CCDC85C: variants seen among roughly 807,000 people sequenced by gnomAD.
CCDC85C encodes coiled-coil domain containing 85C.
A neutral mutation model predicts 38.3 loss-of-function variants in CCDC85C; 18 were observed. That is an observed-to-expected ratio of 0.47 (90% CI 0.33 to 0.70). CCDC85C has a LOEUF of 0.70. CCDC85C is among the 30% of genes least tolerant of loss of function. The probability of loss-of-function intolerance (pLI) is 0.03; values close to 1 mark genes in which losing one functional copy is unlikely to be tolerated. For synonymous variants in CCDC85C, 264 were observed against 293.8 expected, an observed-to-expected ratio of 0.90 and a Z score of 1.04; for missense variants, 566 against 621.2, an observed-to-expected ratio of 0.91 and a Z score of 0.94.
At chr14:99,598,603 G>A (rs1236158298) in intron 1 of CCDC85C, among the ~76,000 whole-genome samples, 1 of 152,192 alleles carries the variant, frequency 6.6e-6, no homozygotes, top group Non-Finnish European at 1.5e-5. Context: ...CCTGGGAGGA[G>A]GTGCCCTGTC....
chr14:99,585,124 A>C (rs2055013165), intron 1 of CCDC85C, among the ~76,000 whole-genome samples: 1 of 152,204 alleles, frequency 6.6e-6, no homozygotes, highest in African/African-American at 2.4e-5. Flanking sequence ...AACTGCCTCC[A>C]TACCACACCT....
rs1595354450 is a variant in CCDC85C, at chr14:99,544,294, C to T, written c.794-8206G>A. On this transcript the variant is annotated intron_variant, in intron 1 of 5. Coordinates refer to ENST00000380243, the MANE Select transcript of CCDC85C (RefSeq NM_001144995.2). This position sits in a 1 kb window ranked among gnomAD's most constrained non-coding sequence, Gnocchi z 5.3. The stretch of plus-strand genomic sequence containing the variant: ...CTAACTCGCAGCTTCCACACCAACC[C>T]CGGGGTTCTGGCGCACTGACCCTGG... Among the ~76,000 whole-genome samples, 3 of 152,124 alleles carry T rather than the reference C, an allele frequency of 2.0e-5. No individual in the cohort carries two copies. The East Asian group carries it at 5.8e-4, about 29-fold the overall frequency.
chr14:99,502,782 C>G lies in CCDC85C; in HGVS notation c.*12464G>C. 1 of 1,613,786 alleles carries G rather than the reference C, an allele frequency of 6.2e-7. No homozygotes were observed. The highest frequency in any genetic ancestry group is 8.5e-7 in the Non-Finnish European group (1 of 1,179,804). ...AAACAACAGATGCCTCATCACACCC[C>G]CCATCAGCTGCAACAGCCCCCATCT... On this transcript the variant is annotated 3_prime_UTR_variant, in exon 6 of 6. Coordinates refer to ENST00000380243, the MANE Select transcript of CCDC85C (RefSeq NM_001144995.2).
At position 99,519,099 on chromosome 14, in the gene CCDC85C, C is replaced by CTTTT. The variant is rs59524541; in HGVS notation, c.976-1920_976-1917dup. ...TATCTTTTTACATGTTCATACATGCCTTTTTTTTTTTTTTTTTTTTTTTTT... is the reference window on the plus strand; with the variant it reads ...TATCTTTTTACATGTTCATACATGCCTTTTTTTTTTTTTTTTTTTTTTTTTTTTT... On this transcript the variant is annotated intron_variant, in intron 3 of 5. Transcript: ENST00000380243. Among the ~76,000 whole-genome samples the CTTTT allele has an allele frequency of 7.7e-4, 40 of 52,222 alleles. 3 individuals carry two copies. Among genetic ancestry groups the CTTTT allele is most frequent in the South Asian group, 2.8e-3 (3 of 1,078 alleles). 34.3% of individuals were successfully genotyped at this position (52,222 alleles called of 152,430 possible).
intron 1 of CCDC85C, among the ~76,000 whole-genome samples, chr14:99,585,170 G>A (rs554286444): frequency 1.3e-5 from 2 of 152,326 alleles, no homozygotes; most frequent in Admixed American, 6.5e-5. Context: ...GACACATGCC[G>A]ATAACCAATA....
At position 99,509,788 on chromosome 14, in the gene CCDC85C, C is replaced by T; in HGVS notation, c.*5458G>A. The T allele has an allele frequency of 3.3e-6, 1 of 305,898 alleles. No individual in the cohort carries two copies. 18.9% of individuals were successfully genotyped at this position (305,898 alleles called of 1,614,324 possible). A position where few individuals can be genotyped will look rare whatever the true frequency, so the allele number is the denominator to read the frequency against. ...GACAGGAGTTCAGTGTGGCCCTGACCCCTGGGGTCAGTTTCTGAAGGCAGA... is the reference window on the plus strand; with the variant it reads ...GACAGGAGTTCAGTGTGGCCCTGACTCCTGGGGTCAGTTTCTGAAGGCAGA... On this transcript the variant is annotated 3_prime_UTR_variant, in exon 6 of 6. Coordinates refer to ENST00000380243, the MANE Select transcript of CCDC85C (RefSeq NM_001144995.2).
rs575957110 is a variant in CCDC85C at position 99,512,513 on chromosome 14, A to T, written c.*2733T>A. 5.0e-4 allele frequency: 76 copies of T among 152,246 alleles called. No homozygotes were observed. The highest frequency in any genetic ancestry group is 1.8e-3 in the African/African-American group (74 of 41,560). 9.4% of individuals were successfully genotyped at this position (152,246 alleles called of 1,614,324 possible). A position where few individuals can be genotyped will look rare whatever the true frequency, so the allele number is the denominator to read the frequency against. On this transcript the variant is annotated 3_prime_UTR_variant, in exon 6 of 6. Coordinates refer to ENST00000380243, the MANE Select transcript of CCDC85C (RefSeq NM_001144995.2). ...AAAGGTCACTTTTTTCTCTTTAAAC[A>T]CTGATGTGTAGCTAGTAACTTGGAT...
chr14:99,526,314 C>T (rs1006661479), intron 2 of CCDC85C, among the ~76,000 whole-genome samples: 3 of 152,208 alleles, frequency 2.0e-5, no homozygotes, highest in African/African-American at 7.2e-5. Context: ...GCCCAGGCCC[C>T]GTGCAGCTCC....
At chr14:99,522,398 C>A in intron 2 of CCDC85C, 158 bp from the exon 3 acceptor site, 1 of 558,752 alleles carries the variant, frequency 1.8e-6, no homozygotes, top group East Asian at 3.0e-5. Flanking sequence ...TCCCCCGAGC[C>A]GGGATCAATC....
intron 3 of CCDC85C, 27 bp from the exon 4 acceptor site, chr14:99,517,210 C>T: frequency 6.7e-7 from 1 of 1,495,564 alleles, no homozygotes; most frequent in Non-Finnish European, 9.0e-7. Context: ...CACATCTCAG[C>T]TCACCCTGGC....
Position 99,507,250 on chromosome 14 carries a change from T to C in CCDC85C, c.*7996A>G, listed in dbSNP as rs2139881045. ...AGAAAAGGGAGACTGGGGCCCAGATTGACAATGTCAGCCACAGGCAGGAAT... is the reference window on the plus strand; with the variant it reads ...AGAAAAGGGAGACTGGGGCCCAGATCGACAATGTCAGCCACAGGCAGGAAT... On this transcript the variant is annotated 3_prime_UTR_variant, in exon 6 of 6. Coordinates refer to ENST00000380243, the MANE Select transcript of CCDC85C (RefSeq NM_001144995.2). The C allele has an allele frequency of 1.3e-6, 1 of 783,546 alleles. No individual in the cohort carries two copies. The highest frequency in any genetic ancestry group is 2.4e-5 in the East Asian group (1 of 40,934). 48.5% of individuals were successfully genotyped at this position (783,546 alleles called of 1,614,324 possible). A position where few individuals can be genotyped will look rare whatever the true frequency, so the allele number is the denominator to read the frequency against.
intron 1 of CCDC85C, among the ~76,000 whole-genome samples, chr14:99,582,721 G>A (rs2054986625): frequency 6.6e-6 from 1 of 152,166 alleles, no homozygotes; most frequent in Non-Finnish European, 1.5e-5. Flanking sequence ...GGCTGAGACA[G>A]GACAATCACT....
In CCDC85C at chr14:99,559,589, G is replaced by A. The variant is rs541544800; in HGVS notation, c.794-23501C>T. 8.7e-4 allele frequency among the ~76,000 whole-genome samples: 132 copies of A among 152,226 alleles called. 1 individual carries two copies. The highest frequency in any genetic ancestry group is 2.0e-3 in the Admixed American group (31 of 15,306). ...AGCCACCTGCCACAGCCTCCAAACC[G>A]ATCACAACTTCACCAGCCAGCAGTC... On this transcript the variant is annotated intron_variant, in intron 1 of 5. Coordinates refer to ENST00000380243, the MANE Select transcript of CCDC85C (RefSeq NM_001144995.2).
chr14:99,548,481 A>G lies in CCDC85C; in HGVS notation c.794-12393T>C, dbSNP rs1897847643. ...AGAGCAGCCTGGCGCGGTTTCCTGCAGCTGAAGATGCTCACACCCTTGACA... is the reference window on the plus strand; with the variant it reads ...AGAGCAGCCTGGCGCGGTTTCCTGCGGCTGAAGATGCTCACACCCTTGACA... On this transcript the variant is annotated intron_variant, in intron 1 of 5. Coordinates refer to ENST00000380243, the MANE Select transcript of CCDC85C (RefSeq NM_001144995.2). This position sits in a 1 kb window ranked among gnomAD's most constrained non-coding sequence, Gnocchi z 4.9. Among the ~76,000 whole-genome samples, 1 of 152,066 alleles carries G rather than the reference A, an allele frequency of 6.6e-6. No homozygotes were observed. Among genetic ancestry groups the G allele is most frequent in the African/African-American group, 2.4e-5 (1 of 41,400 alleles).
rs1052057347 is a variant in CCDC85C at position 99,510,166 on chromosome 14, C to T, written c.*5080G>A. On this transcript the variant is annotated 3_prime_UTR_variant, in exon 6 of 6. Coordinates refer to ENST00000380243, the MANE Select transcript of CCDC85C (RefSeq NM_001144995.2). Reference sequence around the variant, plus strand: ...CGTCTCTCTCCTGCAGACCGGAAGCCTCCCCTCGCTGCTGCCTTAGGTGAG... The same window carrying T: ...CGTCTCTCTCCTGCAGACCGGAAGCTTCCCCTCGCTGCTGCCTTAGGTGAG... 12 of 1,596,946 alleles carry T rather than the reference C, an allele frequency of 7.5e-6. No homozygotes were observed. The highest frequency in any genetic ancestry group is 1.0e-5 in the Non-Finnish European group (12 of 1,175,204).
chr14:99,538,116 G>A (rs945432307), intron 1 of CCDC85C, among the ~76,000 whole-genome samples: 13 of 152,188 alleles, frequency 8.5e-5, no homozygotes, highest in Admixed American at 5.9e-4. Flanking sequence ...TGTGGAACAC[G>A]TGGTACCCCC....
At position 99,524,143 on chromosome 14, in the gene CCDC85C, CAGTA is replaced by C. The variant is rs1174273252; in HGVS notation, c.868-1907_868-1904del. On this transcript the variant is annotated intron_variant, in intron 2 of 5. Transcript: ENST00000380243. ...GATTTTCTTGGCCAGGACTCTGCAACAGTAAGAGAGTTACAAAATCTTCTCCAAT... is the reference window on the plus strand; with the variant it reads ...GATTTTCTTGGCCAGGACTCTGCAACAGAGAGTTACAAAATCTTCTCCAAT... Among the ~76,000 whole-genome samples the C allele has an allele frequency of 2.1e-5, 3 of 141,158 alleles. No homozygotes were observed. In the Admixed American group the frequency reaches 2.2e-4, roughly 11 times the overall value. The allele number at this position is 141,158 out of a possible 152,430, so 92.6% of individuals were successfully genotyped here. A position where few individuals can be genotyped will look rare whatever the true frequency, so the allele number is the denominator to read the frequency against.
In CCDC85C at chr14:99,574,240, C is replaced by T. The variant is rs541970240; in HGVS notation, c.793+28927G>A. Among the ~76,000 whole-genome samples, 50 of 152,288 alleles carry T rather than the reference C, an allele frequency of 3.3e-4. 1 individual carries two copies. The South Asian group carries it at 9.9e-3, about 30-fold the overall frequency. ...TCAGCACCAGCAACACTAGCAAGAC[C>T]TCAGCCTCCCACCAGGGAAGCTCAA... is the stretch of plus-strand genomic sequence containing the variant. On this transcript the variant is annotated intron_variant, in intron 1 of 5. Coordinates refer to ENST00000380243, the MANE Select transcript of CCDC85C (RefSeq NM_001144995.2).
At chr14:99,593,607 C>G (rs553262791) in intron 1 of CCDC85C, among the ~76,000 whole-genome samples, 1 of 152,232 alleles carries the variant, frequency 6.6e-6, no homozygotes. Flanking sequence ...CACAGGTCAG[C>G]GAGGGGGCAA....
Sources: gnomAD v4.1 joint callset for allele counts (sites outside exome capture counted in the v4.1 genomes callset) on GRCh38, gnomAD v4.1.1 for gene constraint, Gnocchi (gnomAD v3.1) non-coding constraint, MANE v1.5 for transcripts, NCBI Gene and HGNC (gene_info 2026-07-23, HGNC 2026-07-21) for gene names.